Variants in DNAH12 observed in about 807,000 individuals in gnomAD.
The protein encoded by DNAH12 is dynein axonemal heavy chain 12, also known as axonemal beta dynein heavy chain 12.
A neutral mutation model predicts 371.5 loss-of-function variants in DNAH12; 285 were observed. That is an observed-to-expected ratio of 0.77 (90% confidence interval 0.70 to 0.85). The LOEUF is 0.85. DNAH12 is among the 40% of genes least tolerant of loss of function. DNAH12 has a pLI of 0.00. For missense variants in DNAH12, 3,611 were observed against 3,689.4 expected (o/e 0.98, Z 0.55); for synonymous variants, 1,200 against 1,213.0 (o/e 0.99, Z 0.22).
intron 6 of DNAH12, 115 bp from the exon 7 acceptor site, chr3:57,508,655 G>T (rs2067868186): frequency 1.6e-6 from 2 of 1,226,490 alleles, no homozygotes; most frequent in Non-Finnish European, 1.1e-6. Flanking sequence ...GGCTTGAGAA[G>T]AGGGAGCTGT....
At chr3:57,362,599 G>A (rs2062960803) in intron 58 of DNAH12, among the ~76,000 whole-genome samples, 1 of 152,134 alleles carries the variant, frequency 6.6e-6, no homozygotes, top group Non-Finnish European at 1.5e-5. Flanking sequence ...GTTTTGATTT[G>A]CATTTCTCAG....
intron 2 of DNAH12, among the ~76,000 whole-genome samples, chr3:57,539,985 T>C (rs1381112259): frequency 2.0e-5 from 3 of 152,110 alleles, no homozygotes; most frequent in African/African-American, 7.2e-5. Flanking sequence ...GTTTTTTACA[T>C]ATTTACTATC....
At chr3:57,296,073 T>C (rs1381596068) in intron 72 of DNAH12, among the ~76,000 whole-genome samples, 4 of 152,146 alleles carry the variant, frequency 2.6e-5, no homozygotes, top group Non-Finnish European at 5.9e-5. Context: ...CATTACAAAA[T>C]AGAAGGAAAC....
chr3:57,434,196 T>C (rs1488589202), intron 30 of DNAH12, among the ~76,000 whole-genome samples: 1 of 152,212 alleles, frequency 6.6e-6, no homozygotes, highest in Non-Finnish European at 1.5e-5. Flanking sequence ...TACCAACTAT[T>C]TCTGGATCTC....
At chr3:57,383,666 G>T (rs1423804012) in intron 49 of DNAH12, among the ~76,000 whole-genome samples, 1 of 98,760 alleles carries the variant, frequency 1.0e-5, no homozygotes, top group African/African-American at 3.9e-5. Flanking sequence ...GTGGGGGGCG[G>T]GGGGGATTAC....
At chr3:57,518,351 C>T (rs1488203672) in intron 4 of DNAH12, among the ~76,000 whole-genome samples, 1 of 151,986 alleles carries the variant, frequency 6.6e-6, no homozygotes, top group African/African-American at 2.4e-5. Context: ...ATGGTGAAAC[C>T]CTGTCTCTAC....
intron 43 of DNAH12, among the ~76,000 whole-genome samples, chr3:57,399,835 G>A (rs1015301365): frequency 6.6e-6 from 1 of 152,130 alleles, no homozygotes; most frequent in Non-Finnish European, 1.5e-5. Context: ...TCTTCCTTAG[G>A]ATTTTTTAAG....
chr3:57,458,358 C>T, intron 20 of DNAH12, 138 bp from the exon 21 acceptor site: 1 of 1,177,618 alleles, frequency 8.5e-7, no homozygotes, highest in South Asian at 2.6e-5. Flanking sequence ...ATAAAATTTG[C>T]AATGAAATTT....
chr3:57,355,456 C>G (rs1368887763), intron 59 of DNAH12, among the ~76,000 whole-genome samples: 1 of 152,024 alleles, frequency 6.6e-6, no homozygotes, highest in Admixed American at 6.6e-5. Flanking sequence ...GAAAACTAAC[C>G]CAAGTAAGTT....
intron 35 of DNAH12, among the ~76,000 whole-genome samples, chr3:57,422,429 C>CGT (rs1009705977): frequency 6.6e-5 from 10 of 151,872 alleles, no homozygotes; most frequent in Non-Finnish European, 1.3e-4. Context: ...CTCCTGACCC[C>CGT]GTGATCTGCC....
intron 29 of DNAH12, among the ~76,000 whole-genome samples, chr3:57,441,512 C>T (rs1220558923): frequency 6.6e-6 from 1 of 152,132 alleles, no homozygotes; most frequent in Non-Finnish European, 1.5e-5. Flanking sequence ...AAGATAATTA[C>T]TGAATATTTT....
intron 70 of DNAH12, among the ~76,000 whole-genome samples, chr3:57,297,965 A>G (rs983625669): frequency 7.2e-5 from 11 of 152,204 alleles, no homozygotes; most frequent in African/African-American, 1.9e-4. Flanking sequence ...AAACATAGAT[A>G]CTTCACAATC....
In DNAH12 at chr3:57,504,127, T is replaced by C. The variant is rs758805591; in HGVS notation, c.975A>G (p.Ile325Met). The C allele has an allele frequency of 1.9e-5, 31 of 1,613,858 alleles. No individual in the cohort carries two copies. The highest frequency in any genetic ancestry group is 4.0e-5 in the African/African-American group (3 of 74,928). Reference sequence around the variant, plus strand: ...CATCAAATGTCAATTCTATCTTAAATATTGGCAGCCTTTGTTGATCTTTTG... The same window carrying C: ...CATCAAATGTCAATTCTATCTTAAACATTGGCAGCCTTTGTTGATCTTTTG... The part of the protein sequence containing the change: ...FDPKDQQRLP[I>M]FKIELTFDDD... The change falls in exon 9 of 74, where the codon ATA becomes ATG. Residue 325 changes from isoleucine (I) to methionine (M), a missense_variant. By Grantham distance (10) the Ile-to-Met change is conservative. Coordinates refer to ENST00000495027, the MANE Select transcript of DNAH12 (RefSeq NM_001366028.2).
chr3:57,505,660 C>T (rs139091432), intron 8 of DNAH12, among the ~76,000 whole-genome samples: 1,587 of 152,110 alleles, frequency 0.01, 16 homozygotes, highest in African/African-American at 0.036. Context: ...AGGCTGGTCT[C>T]GAACTCCTGA....
At chr3:57,419,715 G>A (rs1238049068) in intron 36 of DNAH12, among the ~76,000 whole-genome samples, 197 bp from the exon 37 acceptor site, 1 of 152,016 alleles carries the variant, frequency 6.6e-6, no homozygotes, top group East Asian at 1.9e-4. Flanking sequence ...AAGCATTCAT[G>A]AAAACACCAA....
upstream of DNAH12, among the ~76,000 whole-genome samples, chr3:57,548,410 T>C (rs1300557041): frequency 2.0e-5 from 3 of 152,116 alleles, no homozygotes; most frequent in African/African-American, 7.2e-5. Flanking sequence ...ATAAAAACAC[T>C]CAATTAAAAT....
At chr3:57,353,948 G>A (rs1000098453) in intron 59 of DNAH12, among the ~76,000 whole-genome samples, 112 of 152,234 alleles carry the variant, frequency 7.4e-4, no homozygotes, top group Non-Finnish European at 2.4e-4. Context: ...TTAGTTCACC[G>A]TGGAAAGCAG....
chr3:57,432,130 GA>G (rs78058766), intron 32 of DNAH12, among the ~76,000 whole-genome samples: 21,439 of 149,660 alleles, frequency 0.14, 1,575 homozygotes, highest in South Asian at 0.21. Context: ...GAAGGAATGT[GA>G]ATGACTAACC....
At chr3:57,422,430 G>A (rs1433226294) in intron 35 of DNAH12, among the ~76,000 whole-genome samples, 2 of 151,984 alleles carry the variant, frequency 1.3e-5, no homozygotes. Flanking sequence ...TCCTGACCCC[G>A]TGATCTGCCC....
Sources: allele counts gnomAD v4.1 joint callset (sites outside exome capture counted in the v4.1 genomes callset), GRCh38; gene constraint gnomAD v4.1.1; transcripts MANE v1.5; gene names NCBI Gene and HGNC (gene_info 2026-07-23, HGNC 2026-07-21).